Variants in INPP4A observed in about 807,000 individuals in gnomAD.
The protein encoded by INPP4A is inositol polyphosphate-4-phosphatase, type I, 107kD.
In INPP4A, 33 loss-of-function variants were observed where a neutral mutation model predicts 119.8. The observed-to-expected ratio is 0.28, with a 90% CI of 0.21 to 0.37. INPP4A has a LOEUF of 0.37. INPP4A is among the 10% of genes least tolerant of loss of function. The pLI is 1.00. For synonymous variants in INPP4A, 496 were observed against 500.7 expected, an observed-to-expected ratio of 0.99 and a Z score of 0.12; for missense variants, 956 against 1,289.9, an observed-to-expected ratio of 0.74 and a Z score of 3.97.
At chr2:98,518,492 G>C (rs1273289331) in intron 1 of INPP4A, among the ~76,000 whole-genome samples, 1 of 152,258 alleles carries the variant, frequency 6.6e-6, no homozygotes, top group Non-Finnish European at 1.5e-5. Flanking sequence ...GGGCCTGGGG[G>C]CCCAGCAGCA....
rs1693920040 is a variant in INPP4A, at chr2:98,445,063, CGCCGGGG to C, written c.-180_-174del. On this transcript the variant is annotated 5_prime_UTR_variant, in exon 1 of 25. Coordinates refer to ENST00000409851, the MANE Select transcript of INPP4A (RefSeq NM_001134225.2). The stretch of plus-strand genomic sequence containing the variant: ...CCCGGCGGGACAGCGGGGCGGCTGG[CGCCGGGG>C]GCCGGGGAGCGCCAGGTAGGTGGGC... 6.7e-6 allele frequency: 1 copy of C among 148,746 alleles called. No homozygotes were observed. The highest frequency in any genetic ancestry group is 6.7e-5 in the Admixed American group (1 of 14,944). 9.2% of individuals were successfully genotyped at this position (148,746 alleles called of 1,614,324 possible).
chr2:98,587,393 G>T, intron 24 of INPP4A, 83 bp from the exon 25 acceptor site: 1 of 1,288,872 alleles, frequency 7.8e-7, no homozygotes, highest in South Asian at 1.6e-5. Context: ...TTATGAAAAT[G>T]ATCAGTTCAT....
At chr2:98,578,643 C>T (rs1245131140) in intron 24 of INPP4A, among the ~76,000 whole-genome samples, 1 of 152,266 alleles carries the variant, frequency 6.6e-6, no homozygotes, top group East Asian at 1.9e-4. Context: ...CCGCCTGCCC[C>T]TAGCACACTT....
At chr2:98,487,320 G>A (rs1679763689) in intron 1 of INPP4A, among the ~76,000 whole-genome samples, 1 of 152,204 alleles carries the variant, frequency 6.6e-6, no homozygotes, top group South Asian at 2.1e-4. Flanking sequence ...GCTCCTTGTG[G>A]TTGTGAGTTT....
intron 1 of INPP4A, among the ~76,000 whole-genome samples, chr2:98,448,991 C>G (rs1229781480): frequency 6.6e-6 from 1 of 152,208 alleles, no homozygotes; most frequent in Non-Finnish European, 1.5e-5. Context: ...GCGTGAGCCA[C>G]TGTGCCCGAA....
chr2:98,544,279 A>G (rs1692078522), intron 11 of INPP4A, among the ~76,000 whole-genome samples: 1 of 152,246 alleles, frequency 6.6e-6, no homozygotes, highest in Non-Finnish European at 1.5e-5. Context: ...GTCATCTACC[A>G]AAACAGCCAC....
At position 98,572,823 on chromosome 2, in the gene INPP4A, C is replaced by G. The variant is rs773837709; in HGVS notation, c.2527C>G (p.Arg843Gly). Residue 843 changes from arginine to glycine, a missense_variant, in exon 23 of 25, where the codon CGG becomes GGG. By Grantham distance (125) the Arg-to-Gly change is moderately radical (BLOSUM62 -2). Coordinates refer to ENST00000409851, the MANE Select transcript of INPP4A (RefSeq NM_001134225.2). ...KEVLPEDCLPRSRSQTCLPEL... is the reference protein window; with the variant it reads ...KEVLPEDCLPGSRSQTCLPEL... ...CTCCTTTTCTCTTCCAGGCCTGCCT[C>G]GGTCTCGCAGTCAGACGTGCCTGCC... The G allele has an allele frequency of 6.4e-7, 1 of 1,556,994 alleles. No homozygotes were observed. Among genetic ancestry groups the G allele is most frequent in the African/African-American group, 1.4e-5 (1 of 73,410 alleles).
intron 4 of INPP4A, among the ~76,000 whole-genome samples, chr2:98,525,648 G>C (rs1048372192): frequency 1.3e-5 from 2 of 152,118 alleles, no homozygotes; most frequent in Non-Finnish European, 2.9e-5. Flanking sequence ...CTTCACAAAG[G>C]ACAAATAAAT....
intron 13 of INPP4A, among the ~76,000 whole-genome samples, chr2:98,548,636 A>G (rs963120790): frequency 1.3e-5 from 2 of 152,196 alleles, no homozygotes; most frequent in African/African-American, 4.8e-5. Flanking sequence ...TTTCAAATAT[A>G]TAAGTTTCTA....
At chr2:98,579,266 T>G (rs1246465581) in intron 24 of INPP4A, among the ~76,000 whole-genome samples, 1 of 152,138 alleles carries the variant, frequency 6.6e-6, no homozygotes, top group Non-Finnish European at 1.5e-5. Context: ...GGCCGGGATG[T>G]TCTCAAACTC....
chr2:98,501,190 G>A (rs1683044723), intron 1 of INPP4A, among the ~76,000 whole-genome samples: 1 of 152,172 alleles, frequency 6.6e-6, no homozygotes. Context: ...GGTGGCATGT[G>A]CCTGTAGTCC....
At chr2:98,553,576 TACAC>T (rs145312166) in intron 14 of INPP4A, among the ~76,000 whole-genome samples, 11 of 151,056 alleles carry the variant, frequency 7.3e-5, no homozygotes, top group African/African-American at 2.2e-4. Flanking sequence ...CACGCTCTCA[TACAC>T]ACACACACAC....
chr2:98,464,347 G>C (rs1348048222), intron 1 of INPP4A, among the ~76,000 whole-genome samples: 1 of 152,110 alleles, frequency 6.6e-6, no homozygotes. Context: ...GGAGGAAGTG[G>C]AATTATTGCA....
At chr2:98,508,447 G>GTGA (rs1684496809) in intron 1 of INPP4A, among the ~76,000 whole-genome samples, 1 of 152,200 alleles carries the variant, frequency 6.6e-6, no homozygotes, top group Non-Finnish European at 1.5e-5. Context: ...CTCTGAGTGA[G>GTGA]TGATGATACC....
At chr2:98,494,601 A>G (rs562493036) in intron 1 of INPP4A, among the ~76,000 whole-genome samples, 49 of 152,192 alleles carry the variant, frequency 3.2e-4, no homozygotes, top group South Asian at 1.7e-3. Flanking sequence ...AAGTGTAGGG[A>G]AAGTTCAAGC....
At position 98,554,431 on chromosome 2, in the gene INPP4A, G is replaced by A. The variant is rs770046161; in HGVS notation, c.1508G>A (p.Arg503Gln). Reference sequence around the variant, plus strand: ...AATGACCAGGACACCCTCATGGCCCGGTGGACAGGGAGAAACAGCCGATCT... The same window carrying A: ...AATGACCAGGACACCCTCATGGCCCAGTGGACAGGGAGAAACAGCCGATCT... ...LRNDQDTLMA[R>Q]WTGRNSRSSL... Residue 503 changes from arginine (R) to glutamine (Q), a missense_variant, in exon 15 of 25, where the codon CGG becomes CAG. Arg to Gln is a conservative substitution (Grantham distance 43, BLOSUM62 1). This residue lies in a region of INPP4A where 652 missense variants were observed against 797.9 expected (regional missense o/e 0.82). Coordinates refer to ENST00000409851, the MANE Select transcript of INPP4A (RefSeq NM_001134225.2). The surrounding 1 kb of genome is among the most constrained non-coding windows in gnomAD (Gnocchi z 4.7). The A allele has an allele frequency of 1.2e-6, 2 of 1,613,872 alleles. No individual in the cohort carries two copies. Among genetic ancestry groups the A allele is most frequent in the Non-Finnish European group, 8.5e-7 (1 of 1,179,858 alleles).
intron 1 of INPP4A, among the ~76,000 whole-genome samples, chr2:98,497,167 G>C (rs1400120819): frequency 1.3e-5 from 2 of 152,218 alleles, no homozygotes; most frequent in Admixed American, 1.3e-4. Context: ...CCTCAACCTT[G>C]GCAGCTTCCA....
chr2:98,535,993 G>A, intron 6 of INPP4A, 136 bp from the exon 7 acceptor site: 2 of 718,686 alleles, frequency 2.8e-6, no homozygotes, highest in Non-Finnish European at 4.8e-6. Context: ...GAATTGTTAA[G>A]CTTTCCCATT....
chr2:98,463,375 C>G (rs764945203), intron 1 of INPP4A, among the ~76,000 whole-genome samples: 1 of 152,328 alleles, frequency 6.6e-6, no homozygotes. Context: ...GATGGTGTCT[C>G]GCTGAGGCTG....
Sources: gnomAD v4.1 joint callset for allele counts (sites outside exome capture counted in the v4.1 genomes callset) on GRCh38, gnomAD v4.1.1 for gene constraint, gnomAD v4.1.1 regional missense constraint, Gnocchi (gnomAD v3.1) non-coding constraint, MANE v1.5 for transcripts, NCBI Gene and HGNC (gene_info 2026-07-23, HGNC 2026-07-21) for gene names.